The following PPP1R2C variants were observed in gnomAD, a reference collection of about 807,000 sequenced individuals.
The protein encoded by PPP1R2C is PPP1R2 family member C.
For synonymous variants in PPP1R2C, 58 were observed against 27.9 expected, an observed-to-expected ratio of 2.08 and a Z score of -3.39; for missense variants, 118 against 63.1, an observed-to-expected ratio of 1.87 and a Z score of -2.95.
In PPP1R2C at chrX:42,777,913, T is replaced by C; in HGVS notation, c.167A>G (p.His56Arg). The change falls in exon 1 of 1, where the codon CAC (histidine) becomes CGC (arginine). Residue 56 changes from histidine to arginine, a missense_variant. Coordinates refer to ENST00000378131, the MANE Select transcript of PPP1R2C (RefSeq NM_025210.2). ...KWDESSILAA[H>R]RATYRDYDLM... ...ATCGTAATCTCTGTACGTTGCGCGGTGTGCCGCAAGGATGCTTGATTCGTC... is the reference window on the plus strand; with the variant it reads ...ATCGTAATCTCTGTACGTTGCGCGGCGTGCCGCAAGGATGCTTGATTCGTC... 1 of 515,381 alleles carries C rather than the reference T, an allele frequency of 1.9e-6. No individual in the cohort carries two copies. Among genetic ancestry groups the C allele is most frequent in the Non-Finnish European group, 3.5e-6 (1 of 287,018 alleles). The allele number at this position is 515,381 out of a possible 1,213,427, so 42.5% of individuals were successfully genotyped here.
At position 42,778,066 on chromosome X, in the gene PPP1R2C, G is replaced by A; in HGVS notation, c.14C>T (p.Thr5Ile). 5.9e-6 allele frequency: 3 copies of A among 510,009 alleles called. No homozygotes were observed. The highest frequency in any genetic ancestry group is 1.1e-5 in the Non-Finnish European group (3 of 284,198). The allele number at this position is 510,009 out of a possible 1,213,427, so 42.0% of individuals were successfully genotyped here. MSAS[T>I]SSHRPIKGIL... is the part of the protein sequence containing the mutation. ...CCCCTTGATGGGCCGGTGCGAGGAG[G>A]TGGAGGCTGACATTTTGCGGAGAGA... Residue 5 changes from threonine to isoleucine, a missense_variant, in exon 1 of 1, where the codon ACC becomes ATC. Transcript: ENST00000378131.
rs768312067 is a variant in PPP1R2C, at chrX:42,778,060, G to A, written c.20C>T (p.Ser7Leu). MSASTS[S>L]HRPIKGILKN... ...CAGGATCCCCTTGATGGGCCGGTGC[G>A]AGGAGGTGGAGGCTGACATTTTGCG... Residue 7 changes from serine (S) to leucine (L), a missense_variant, in exon 1 of 1, where the codon TCG becomes TTG. Transcript: ENST00000378131. The A allele has an allele frequency of 3.7e-4, 188 of 508,696 alleles. 1 individual carries two copies. The South Asian group carries it at 4.6e-3, about 12-fold the overall frequency. 41.9% of individuals were successfully genotyped at this position (508,696 alleles called of 1,213,427 possible).
rs778775351 is a variant in PPP1R2C, at chrX:42,777,739, T to C, written c.341A>G (p.Asp114Gly). The C allele has an allele frequency of 3.9e-6, 2 of 515,442 alleles. No homozygotes were observed. The highest frequency in any genetic ancestry group is 7.0e-6 in the Non-Finnish European group (2 of 287,082). 42.5% of individuals were successfully genotyped at this position (515,442 alleles called of 1,213,427 possible). Residue 114 changes from aspartate (D) to glycine (G), a missense_variant, in exon 1 of 1, where the codon GAC (aspartate) becomes GGC (glycine). Asp to Gly is a moderately conservative substitution (Grantham distance 94, BLOSUM62 -1). Coordinates refer to ENST00000378131, the MANE Select transcript of PPP1R2C (RefSeq NM_025210.2). The part of the protein sequence containing the change: ...TDASDHSCEV[D>G]EQESSEAYMR... ...GTAGGCCTCACTGCTCTCTTGCTCG[T>C]CCACCTCACAGCTGTGGTCGGAAGC...
rs968885807 is a variant in PPP1R2C, at chrX:42,777,677, G to T, written c.403C>A (p.Arg135=). ...KILLHKQEKK[R]QFEMRRRLHY... Reference sequence around the variant, plus strand: ...AGCCTTCTTCTCATTTCGAACTGCCGCTTTTTCTCCTGTTTGTGGAGGAGG... The same window carrying T: ...AGCCTTCTTCTCATTTCGAACTGCCTCTTTTTCTCCTGTTTGTGGAGGAGG... The change falls in exon 1 of 1, where the codon CGG becomes AGG. Residue 135 remains arginine, a synonymous_variant. Transcript: ENST00000378131. The T allele has an allele frequency of 3.9e-6, 2 of 513,792 alleles. No individual in the cohort carries two copies. The allele number at this position is 513,792 out of a possible 1,213,427, so 42.3% of individuals were successfully genotyped here.
In PPP1R2C at chrX:42,777,837, A is replaced by G; in HGVS notation, c.243T>C (p.Asn81=). 3.9e-6 allele frequency: 2 copies of G among 514,444 alleles called. No homozygotes were observed. The highest frequency in any genetic ancestry group is 7.0e-6 in the Non-Finnish European group (2 of 286,824). 42.4% of individuals were successfully genotyped at this position (514,444 alleles called of 1,213,427 possible). ...PGTSYMSVQD[N]GEDSVRDVEG... is the part of the protein sequence containing the mutation. Reference sequence around the variant, plus strand: ...CGACATCGCGCACTGAATCTTCCCCATTATCTTGCACACTCATGTAGGAAG... The same window carrying G: ...CGACATCGCGCACTGAATCTTCCCCGTTATCTTGCACACTCATGTAGGAAG... Residue 81 remains asparagine (N), a synonymous_variant, in exon 1 of 1, where the codon AAT becomes AAC. Transcript: ENST00000378131.
Position 42,777,890 on chromosome X carries a change from C to A in PPP1R2C, c.190G>T (p.Asp64Tyr). The A allele has an allele frequency of 3.9e-6, 2 of 515,347 alleles. No individual in the cohort carries two copies. The highest frequency in any genetic ancestry group is 4.9e-5 in the South Asian group (2 of 40,729). The allele number at this position is 515,347 out of a possible 1,213,427, so 42.5% of individuals were successfully genotyped here. ...AAHRATYRDY[D>Y]LMKANEPGTS... ...CCGGGCTCATTTGCCTTCATTAAAT[C>A]GTAATCTCTGTACGTTGCGCGGTGT... The change falls in exon 1 of 1, where the codon GAT becomes TAT. Residue 64 changes from aspartate (D) to tyrosine (Y), a missense_variant. Physicochemically the swap from Asp to Tyr is radical, Grantham distance 160 (BLOSUM62 -3). Coordinates refer to ENST00000378131, the MANE Select transcript of PPP1R2C (RefSeq NM_025210.2).
In PPP1R2C at chrX:42,777,772, G is replaced by A. The variant is rs1466127154; in HGVS notation, c.308C>T (p.Ala103Val). The A allele has an allele frequency of 1.9e-6, 1 of 513,275 alleles. No individual in the cohort carries two copies. The highest frequency in any genetic ancestry group is 3.5e-6 in the Non-Finnish European group (1 of 286,694). The allele number at this position is 513,275 out of a possible 1,213,427, so 42.3% of individuals were successfully genotyped here. Residue 103 changes from alanine to valine, a missense_variant, in exon 1 of 1, where the codon GCC (alanine) becomes GTC (valine). Physicochemically the swap from Ala to Val is moderately conservative, Grantham distance 64 (BLOSUM62 0). Transcript: ENST00000378131. The part of the protein sequence containing the change: ...DSVRGVEGKE[A>V]TDASDHSCEV... ...ACAGCTGTGGTCGGAAGCATCGGTG[G>A]CTTCCTTTCCTTCGACACCACGCAC...
In PPP1R2C at chrX:42,777,698, G is replaced by A. The variant is rs1925047301; in HGVS notation, c.382C>T (p.Leu128Phe). 2 of 513,663 alleles carry A rather than the reference G, an allele frequency of 3.9e-6. No homozygotes were observed. The highest frequency in any genetic ancestry group is 2.3e-5 in the African/African-American group (1 of 43,309). 42.3% of individuals were successfully genotyped at this position (513,663 alleles called of 1,213,427 possible). The change falls in exon 1 of 1, where the codon CTC becomes TTC. Residue 128 changes from leucine to phenylalanine, a missense_variant. Transcript: ENST00000378131. ...SSEAYMRKIL[L>F]HKQEKKRQFE... is the part of the protein sequence containing the mutation. ...TGCCGCTTTTTCTCCTGTTTGTGGAGGAGGATTTTTCTCATGTAGGCCTCA... is the reference window on the plus strand; with the variant it reads ...TGCCGCTTTTTCTCCTGTTTGTGGAAGAGGATTTTTCTCATGTAGGCCTCA...
chrX:42,777,532 G>A lies in PPP1R2C; in HGVS notation c.548C>T (p.Ala183Val), dbSNP rs1283397411. The change falls in exon 1 of 1, where the codon GCG becomes GTG. Residue 183 changes from alanine to valine, a missense_variant. Physicochemically the swap from Ala to Val is moderately conservative, Grantham distance 64. Coordinates refer to ENST00000378131, the MANE Select transcript of PPP1R2C (RefSeq NM_025210.2). ...CAGAGGAGCTTCCTCTGATTCTTCC[G>A]CAGCAGTCTTCTCTTCGTTCGTGCC... ...PQGTNEEKTA[A>V]EESEEAPLTG... The A allele has an allele frequency of 5.8e-6, 3 of 514,116 alleles. No individual in the cohort carries two copies. Among genetic ancestry groups the A allele is most frequent in the East Asian group, 3.6e-5 (1 of 27,694 alleles). The allele number at this position is 514,116 out of a possible 1,213,427, so 42.4% of individuals were successfully genotyped here. A position where few individuals can be genotyped will look rare whatever the true frequency, so the allele number is the denominator to read the frequency against.
At position 42,778,148 on chromosome X, in the gene PPP1R2C, C is replaced by T. The variant is rs1243556418; in HGVS notation, c.-69G>A. The T allele has an allele frequency of 4.3e-6, 2 of 461,155 alleles. No homozygotes were observed. Among genetic ancestry groups the T allele is most frequent in the East Asian group, 7.3e-5 (2 of 27,287 alleles). 38.0% of individuals were successfully genotyped at this position (461,155 alleles called of 1,213,427 possible). A position where few individuals can be genotyped will look rare whatever the true frequency, so the allele number is the denominator to read the frequency against. On this transcript the variant is annotated 5_prime_UTR_variant, in exon 1 of 1. Transcript: ENST00000378131. The stretch of plus-strand genomic sequence containing the variant: ...CCGTCCACCGCCCTCCAGTCTGAAA[C>T]TGCAGGGCGGTCTGTGTGGGCAACA...
chrX:42,778,082 T>A lies in PPP1R2C; in HGVS notation c.-3A>T, dbSNP rs1159720810. On this transcript the variant is annotated 5_prime_UTR_variant, in exon 1 of 1. Coordinates refer to ENST00000378131, the MANE Select transcript of PPP1R2C (RefSeq NM_025210.2). ...TGCGAGGAGGTGGAGGCTGACATTT[T>A]GCGGAGAGAAGGGCTGCGAGAGAGT... 15 of 503,770 alleles carry A rather than the reference T, an allele frequency of 3.0e-5. No homozygotes were observed. Among genetic ancestry groups the A allele is most frequent in the Middle Eastern group, 6.4e-4 (2 of 3,112 alleles). 41.5% of individuals were successfully genotyped at this position (503,770 alleles called of 1,213,427 possible).
At position 42,777,846 on chromosome X, in the gene PPP1R2C, C is replaced by T. The variant is rs191918195; in HGVS notation, c.234G>A (p.Val78=). The T allele has an allele frequency of 1.9e-6, 1 of 513,363 alleles. No homozygotes were observed. The highest frequency in any genetic ancestry group is 3.6e-5 in the East Asian group (1 of 27,634). The allele number at this position is 513,363 out of a possible 1,213,427, so 42.3% of individuals were successfully genotyped here. A position where few individuals can be genotyped will look rare whatever the true frequency, so the allele number is the denominator to read the frequency against. ...ANEPGTSYMS[V]QDNGEDSVRD... is the part of the protein sequence containing the mutation. ...GCACTGAATCTTCCCCATTATCTTG[C>T]ACACTCATGTAGGAAGTGCCGGGCT... The change falls in exon 1 of 1, where the codon GTG becomes GTA. Residue 78 remains valine, a synonymous_variant. Transcript: ENST00000378131.
chrX:42,778,152 A>G lies in PPP1R2C; in HGVS notation c.-73T>C, dbSNP rs1353844568. The G allele has an allele frequency of 2.2e-6, 1 of 456,374 alleles. No homozygotes were observed. Among genetic ancestry groups the G allele is most frequent in the Non-Finnish European group, 3.8e-6 (1 of 260,953 alleles). 37.6% of individuals were successfully genotyped at this position (456,374 alleles called of 1,213,427 possible). The stretch of plus-strand genomic sequence containing the variant: ...CCACCGCCCTCCAGTCTGAAACTGC[A>G]GGGCGGTCTGTGTGGGCAACAGGTC... On this transcript the variant is annotated 5_prime_UTR_variant, in exon 1 of 1. Transcript: ENST00000378131.
Position 42,777,687 on chromosome X carries a change from C to G in PPP1R2C, c.393G>C (p.Gln131His). 1.9e-6 allele frequency: 1 copy of G among 515,291 alleles called. No individual in the cohort carries two copies. Among genetic ancestry groups the G allele is most frequent in the Non-Finnish European group, 3.5e-6 (1 of 287,048 alleles). 42.5% of individuals were successfully genotyped at this position (515,291 alleles called of 1,213,427 possible). ...AYMRKILLHKQEKKRQFEMRR... is the reference protein window; with the variant it reads ...AYMRKILLHKHEKKRQFEMRR... ...TCATTTCGAACTGCCGCTTTTTCTC[C>G]TGTTTGTGGAGGAGGATTTTTCTCA... The change falls in exon 1 of 1, where the codon CAG becomes CAC. Residue 131 changes from glutamine to histidine, a missense_variant. Physicochemically the swap from Gln to His is conservative, Grantham distance 24. Transcript: ENST00000378131.
Position 42,777,754 on chromosome X carries a change from T to A in PPP1R2C, c.326A>T (p.His109Leu). Residue 109 changes from histidine (H) to leucine (L), a missense_variant, in exon 1 of 1, where the codon CAC (histidine) becomes CTC (leucine). Coordinates refer to ENST00000378131, the MANE Select transcript of PPP1R2C (RefSeq NM_025210.2). Reference protein sequence around the residue: ...EGKEATDASDHSCEVDEQESS... With the variant: ...EGKEATDASDLSCEVDEQESS... ...CTCTTGCTCGTCCACCTCACAGCTG[T>A]GGTCGGAAGCATCGGTGGCTTCCTT... 1.9e-6 allele frequency: 1 copy of A among 515,402 alleles called. No individual in the cohort carries two copies. Among genetic ancestry groups the A allele is most frequent in the Non-Finnish European group, 3.5e-6 (1 of 287,066 alleles). 42.5% of individuals were successfully genotyped at this position (515,402 alleles called of 1,213,427 possible). A position where few individuals can be genotyped will look rare whatever the true frequency, so the allele number is the denominator to read the frequency against.
At position 42,777,741 on chromosome X, in the gene PPP1R2C, C is replaced by T; in HGVS notation, c.339G>A (p.Val113=). ...AGGCCTCACTGCTCTCTTGCTCGTC[C>T]ACCTCACAGCTGTGGTCGGAAGCAT... ...ATDASDHSCE[V]DEQESSEAYM... The change falls in exon 1 of 1, where the codon GTG becomes GTA. Residue 113 remains valine (V), a synonymous_variant. Coordinates refer to ENST00000378131, the MANE Select transcript of PPP1R2C (RefSeq NM_025210.2). 1.9e-6 allele frequency: 1 copy of T among 515,256 alleles called. No individual in the cohort carries two copies. The highest frequency in any genetic ancestry group is 3.5e-6 in the Non-Finnish European group (1 of 287,054). The allele number at this position is 515,256 out of a possible 1,213,427, so 42.5% of individuals were successfully genotyped here.
rs1387145560 is a variant in PPP1R2C, at chrX:42,777,936, G to A, written c.144C>T (p.Asp48=). The A allele has an allele frequency of 2.1e-5, 11 of 513,693 alleles. No homozygotes were observed. Among genetic ancestry groups the A allele is most frequent in the Non-Finnish European group, 3.1e-5 (9 of 286,790 alleles). 42.3% of individuals were successfully genotyped at this position (513,693 alleles called of 1,213,427 possible). The stretch of plus-strand genomic sequence containing the variant: ...GGTGTGCCGCAAGGATGCTTGATTC[G>A]TCCCACTTTTGGGATTTCTTTCTCT... ...DVKRKKSQKW[D]ESSILAAHRA... is the part of the protein sequence containing the mutation. The change falls in exon 1 of 1, where the codon GAC becomes GAT. Residue 48 remains aspartate (D), a synonymous_variant. Coordinates refer to ENST00000378131, the MANE Select transcript of PPP1R2C (RefSeq NM_025210.2).
rs1382817878 is a variant in PPP1R2C at position 42,777,996 on chromosome X, G to A, written c.84C>T (p.Ser28=). The A allele has an allele frequency of 7.8e-6, 4 of 512,997 alleles. No individual in the cohort carries two copies. Among genetic ancestry groups the A allele is most frequent in the African/African-American group, 4.6e-5 (2 of 43,054 alleles). The allele number at this position is 512,997 out of a possible 1,213,427, so 42.3% of individuals were successfully genotyped here. A position where few individuals can be genotyped will look rare whatever the true frequency, so the allele number is the denominator to read the frequency against. ...GAATAGTCCCTCCAGACTGCTGACC[G>A]GAAGTCGCCACCGAGGAACCCGACG... ...KSSSGSSVAT[S]GQQSGGTIQD... Residue 28 remains serine (S), a synonymous_variant, in exon 1 of 1, where the codon TCC becomes TCT. Transcript: ENST00000378131.
At position 42,777,758 on chromosome X, in the gene PPP1R2C, C is replaced by A. The variant is rs149411857; in HGVS notation, c.322G>T (p.Asp108Tyr). The A allele has an allele frequency of 8.1e-4, 415 of 513,319 alleles. 2 individuals are homozygous for A. In the East Asian group the frequency reaches 0.015, roughly 18 times the overall value. The allele number at this position is 513,319 out of a possible 1,213,427, so 42.3% of individuals were successfully genotyped here. Residue 108 changes from aspartate (D) to tyrosine (Y), a missense_variant, in exon 1 of 1, where the codon GAC becomes TAC. Asp to Tyr is a radical substitution (Grantham distance 160). Transcript: ENST00000378131. ...VEGKEATDASDHSCEVDEQES... is the reference protein window; with the variant it reads ...VEGKEATDASYHSCEVDEQES... Reference sequence around the variant, plus strand: ...TGCTCGTCCACCTCACAGCTGTGGTCGGAAGCATCGGTGGCTTCCTTTCCT... The same window carrying A: ...TGCTCGTCCACCTCACAGCTGTGGTAGGAAGCATCGGTGGCTTCCTTTCCT...
Sources: gnomAD v4.1 joint callset for allele counts on GRCh38, gnomAD v4.1.1 for gene constraint, MANE v1.5 for transcripts, NCBI Gene and HGNC (gene_info 2026-07-23, HGNC 2026-07-21) for gene names.